Variants in EIPR1 observed in about 807,000 individuals in gnomAD.
EIPR1 encodes EARP and GARP complex-interacting protein 1.
In EIPR1, 25 loss-of-function variants were observed where a neutral mutation model predicts 48.1. The observed-to-expected ratio is 0.52, with a 90% CI of 0.38 to 0.73. The LOEUF (loss-of-function observed/expected upper bound fraction) is 0.73, where lower values mean the gene tolerates loss of function less well. Among genes scored for constraint, EIPR1 ranks in the 30% least tolerant of loss-of-function variants. EIPR1 has a pLI of 0.00. For synonymous variants in EIPR1, 204 were observed against 201.9 expected (o/e 1.01, Z -0.09); for missense variants, 415 against 506.2 (o/e 0.82, Z 1.73).
In EIPR1 at chr2:3,244,464, C is replaced by T. The variant is rs951280832; in HGVS notation, c.416+12835G>A. On this transcript the variant is annotated intron_variant, in intron 4 of 8. Coordinates refer to ENST00000382125, the MANE Select transcript of EIPR1 (RefSeq NM_003310.5). ...TGCTATGTTCTTGTTGGAAGCCCCCCACCCCGTCAAGAATTCACATGTGGA... is the reference window on the plus strand; with the variant it reads ...TGCTATGTTCTTGTTGGAAGCCCCCTACCCCGTCAAGAATTCACATGTGGA... Among the ~76,000 whole-genome samples, 7 of 152,194 alleles carry T rather than the reference C, an allele frequency of 4.6e-5. No homozygotes were observed. The South Asian group carries it at 1.2e-3, about 27-fold the overall frequency.
chr2:3,341,090 T>C (rs775669837), intron 2 of EIPR1, among the ~76,000 whole-genome samples: 60 of 88,218 alleles, frequency 6.8e-4, no homozygotes, highest in Admixed American at 8.5e-4. Context: ...AGTGAGATCC[T>C]GTCTCAAAAA....
In EIPR1 at chr2:3,189,550, C is replaced by T. The variant is rs545891452; in HGVS notation, c.990-42G>A. ...GCAGACGTGAGCGCAGCAGCTCCGG[C>T]GGGGCGGGCAGGAGAGGGGCAGGGA... On this transcript the variant is annotated intron_variant, in intron 8 of 8. Coordinates refer to ENST00000382125, the MANE Select transcript of EIPR1 (RefSeq NM_003310.5). The surrounding 1 kb of genome is among the most constrained non-coding windows in gnomAD (Gnocchi z 4.6). The T allele has an allele frequency of 5.1e-5, 76 of 1,488,042 alleles. No homozygotes were observed. The highest frequency in any genetic ancestry group is 4.5e-4 in the South Asian group (34 of 76,294). The allele number at this position is 1,488,042 out of a possible 1,614,324, so 92.2% of individuals were successfully genotyped here.
chr2:3,334,277 A>T (rs995438533), intron 3 of EIPR1, among the ~76,000 whole-genome samples: 1 of 152,260 alleles, frequency 6.6e-6, no homozygotes, highest in Non-Finnish European at 1.5e-5. Flanking sequence ...GATTTGTTAT[A>T]ACGAAGTGAT....
chr2:3,292,532 C>T (rs1436505212), intron 3 of EIPR1, among the ~76,000 whole-genome samples: 3 of 152,178 alleles, frequency 2.0e-5, no homozygotes, highest in Admixed American at 2.0e-4. Flanking sequence ...ATCCCCAGAG[C>T]GATCTCCAGA....
At chr2:3,198,023 G>A (rs1664870323) in intron 5 of EIPR1, among the ~76,000 whole-genome samples, 1 of 152,222 alleles carries the variant, frequency 6.6e-6, no homozygotes, top group Non-Finnish European at 1.5e-5. Context: ...TGCTGGCCAG[G>A]GCAGGTTGGG....
chr2:3,222,212 C>T (rs1246697483), intron 4 of EIPR1, among the ~76,000 whole-genome samples: 4 of 152,242 alleles, frequency 2.6e-5, no homozygotes, highest in African/African-American at 4.8e-5. Context: ...AATGGGTCAT[C>T]TTAGCCTAGT....
At chr2:3,304,390 C>G (rs188154375) in intron 3 of EIPR1, among the ~76,000 whole-genome samples, 3 of 152,228 alleles carry the variant, frequency 2.0e-5, no homozygotes, top group African/African-American at 7.2e-5. Flanking sequence ...ACCTGCAGTT[C>G]AGCCCTCCAC....
At chr2:3,235,791 A>T (rs1479077097) in intron 4 of EIPR1, among the ~76,000 whole-genome samples, 2 of 152,234 alleles carry the variant, frequency 1.3e-5, no homozygotes, top group African/African-American at 4.8e-5. Context: ...ATTCCTTGTT[A>T]TTAATCAGAT....
At chr2:3,323,124 C>T (rs1369915045) in intron 3 of EIPR1, among the ~76,000 whole-genome samples, 1 of 148,420 alleles carries the variant, frequency 6.7e-6, no homozygotes, top group African/African-American at 2.5e-5. Flanking sequence ...AAAAAAAAAA[C>T]CTAGTCACTG....
At chr2:3,323,859 C>T (rs554025004) in intron 3 of EIPR1, among the ~76,000 whole-genome samples, 2 of 152,212 alleles carry the variant, frequency 1.3e-5, no homozygotes, top group Non-Finnish European at 2.9e-5. Context: ...CAGCACAGTG[C>T]GTGGCACAGG....
chr2:3,266,468 G>A (rs932017506), intron 3 of EIPR1, among the ~76,000 whole-genome samples: 1 of 152,226 alleles, frequency 6.6e-6, no homozygotes, highest in African/African-American at 2.4e-5. Context: ...CTTAGGGATG[G>A]CACCATGTAC....
Position 3,194,105 on chromosome 2 carries a change from T to C in EIPR1, c.715A>G (p.Asn239Asp). ...CAGCTGGCCAAGTAGTACTGCTTATTGGGATTAAAGTCAAGGTCCCGCACC... is the reference window on the plus strand; with the variant it reads ...CAGCTGGCCAAGTAGTACTGCTTATCGGGATTAAAGTCAAGGTCCCGCACC... Reference protein sequence around the residue: ...QLVRDLDFNPNKQYYLASCGD... With the variant: ...QLVRDLDFNPDKQYYLASCGD... Residue 239 changes from asparagine (N) to aspartate (D), a missense_variant, in exon 7 of 9, where the codon AAT becomes GAT. Transcript: ENST00000382125. The C allele has an allele frequency of 6.2e-7, 1 of 1,613,996 alleles. No homozygotes were observed.
chr2:3,264,906 C>T (rs1408496549), intron 3 of EIPR1, among the ~76,000 whole-genome samples: 3 of 152,036 alleles, frequency 2.0e-5, no homozygotes, highest in Non-Finnish European at 2.9e-5. Flanking sequence ...AGGCTGGTCT[C>T]GAACTCCTGA....
intron 3 of EIPR1, among the ~76,000 whole-genome samples, chr2:3,281,779 T>C (rs1196079885): frequency 6.6e-6 from 1 of 152,246 alleles, no homozygotes; most frequent in Non-Finnish European, 1.5e-5. Context: ...GATTCTGAAA[T>C]AAATTATTTG....
At chr2:3,263,583 G>A (rs927646854) in intron 3 of EIPR1, among the ~76,000 whole-genome samples, 1 of 152,106 alleles carries the variant, frequency 6.6e-6, no homozygotes, top group Non-Finnish European at 1.5e-5. Context: ...ACATCACATC[G>A]CACCACCTAG....
At chr2:3,369,407 G>A (rs544506680) in intron 1 of EIPR1, among the ~76,000 whole-genome samples, 25 of 152,284 alleles carry the variant, frequency 1.6e-4, no homozygotes, top group African/African-American at 5.3e-4. Flanking sequence ...GCAGCGAACC[G>A]TGCGCAAGCC....
chr2:3,327,894 C>T (rs1669747899), intron 3 of EIPR1, among the ~76,000 whole-genome samples: 1 of 151,864 alleles, frequency 6.6e-6, no homozygotes, highest in Non-Finnish European at 1.5e-5. Flanking sequence ...GGGTCTAACT[C>T]TGTCACCCAG....
chr2:3,371,218 TA>T, intron 1 of EIPR1, among the ~76,000 whole-genome samples: 1 of 152,238 alleles, frequency 6.6e-6, no homozygotes, highest in Non-Finnish European at 1.5e-5. Context: ...AGGCCTGCCC[TA>T]AAAGAGCTCC....
chr2:3,214,297 C>CAG, intron 4 of EIPR1, 49 bp from the exon 5 acceptor site: 3 of 1,556,834 alleles, frequency 1.9e-6, no homozygotes, highest in Non-Finnish European at 2.6e-6. Context: ...TTGAGATACC[C>CAG]AGGCTGGTAG....
Sources: allele counts gnomAD v4.1 joint callset (sites outside exome capture counted in the v4.1 genomes callset), GRCh38; gene constraint gnomAD v4.1.1; non-coding constraint Gnocchi (gnomAD v3.1); transcripts MANE v1.5; gene names NCBI Gene and HGNC (gene_info 2026-07-23, HGNC 2026-07-21).